The following TOP3B variants were observed in gnomAD, a reference collection of about 807,000 sequenced individuals.
TOP3B encodes the protein DNA topoisomerase III beta.
TOP3B carries 45 observed loss-of-function variants against 93.9 expected under a neutral mutation model. The ratio of observed to expected loss-of-function variants is 0.48; its 90% CI spans 0.38 to 0.61. The LOEUF (loss-of-function observed/expected upper bound fraction) is 0.61. Among genes scored for constraint, TOP3B ranks in the 20% least tolerant of loss-of-function variants. The probability of loss-of-function intolerance (pLI) is 0.00; values close to 1 mark genes in which losing one functional copy is unlikely to be tolerated. For missense variants in TOP3B, 750 were observed against 1,156.1 expected (o/e 0.65, Z 5.09); for synonymous variants, 357 against 472.6 (o/e 0.76, Z 3.17).
chr22:21,972,646 G>C lies in TOP3B; in HGVS notation c.275C>G (p.Ala92Gly). 1 of 1,611,822 alleles carries C rather than the reference G, an allele frequency of 6.2e-7. No individual in the cohort carries two copies. Among genetic ancestry groups the C allele is most frequent in the Admixed American group, 1.7e-5 (1 of 59,170 alleles). ...FSQAPTEKKE[A>G]NPKLNMVKFL... is the part of the protein sequence containing the mutation. ...CTTCACCATGTTCAGCTTGGGGTTA[G>C]CTTCTTTCTTCTCCGTGGGAGCTTG... Residue 92 changes from alanine to glycine, a missense_variant, in exon 4 of 18, where the codon GCT (alanine) becomes GGT (glycine). Transcript: ENST00000357179.
chr22:21,963,186 A>C lies in TOP3B; in HGVS notation c.1205-293T>G. The C allele has an allele frequency of 4.1e-5, 12 of 293,002 alleles. No individual in the cohort carries two copies. Among genetic ancestry groups the C allele is most frequent in the Middle Eastern group, 1.2e-3 (1 of 840 alleles). The allele number at this position is 293,002 out of a possible 1,614,324, so 18.2% of individuals were successfully genotyped here. On this transcript the variant is annotated intron_variant, in intron 11 of 17. Transcript: ENST00000357179. The surrounding 1 kb of genome is among the most constrained non-coding windows in gnomAD (Gnocchi z 4.8). ...CCGTCTCTACTAAAAATACAAAGAA[A>C]TTAGCTGGGTGTGGTGGTGGGAGCC...
At chr22:21,958,718 G>A (rs755893621) in intron 16 of TOP3B, 25 bp from the exon 17 acceptor site, 18 of 1,576,930 alleles carry the variant, frequency 1.1e-5, no homozygotes, top group Non-Finnish European at 1.6e-5. Context: ...GGCAGGTGGC[G>A]TGAGGGTCAC....
At chr22:21,958,984 C>T in intron 16 of TOP3B, 148 bp downstream of exon 16, 2 of 1,235,570 alleles carry the variant, frequency 1.6e-6, no homozygotes, top group East Asian at 2.5e-5. Context: ...GACGTGGGGA[C>T]ACTGGGTATT....
chr22:21,967,884 C>T, intron 7 of TOP3B, 168 bp from the exon 8 acceptor site: 1 of 595,300 alleles, frequency 1.7e-6, no homozygotes, highest in South Asian at 2.0e-5. Flanking sequence ...CGCAAGCTGA[C>T]ATCTGGCCCT....
intron 17 of TOP3B, 29 bp downstream of exon 17, chr22:21,958,463 T>G: frequency 6.2e-7 from 1 of 1,613,620 alleles, no homozygotes; most frequent in South Asian, 1.1e-5. Flanking sequence ...TGCAGCTACC[T>G]GTGGACAGGA....
At chr22:21,979,366 G>A (rs908047413) in intron 1 of TOP3B, among the ~76,000 whole-genome samples, 20 of 152,036 alleles carry the variant, frequency 1.3e-4, no homozygotes, top group Non-Finnish European at 4.4e-5. Context: ...GGCCTGGGTG[G>A]TGGCATGCTG....
rs11275134 is a variant in TOP3B, at chr22:21,979,847, A to AGGAGAATGGTGTGAACCCGGGAAGC, written c.-99+2858_-99+2882dup. Among the ~76,000 whole-genome samples the AGGAGAATGGTGTGAACCCGGGAAGC allele has an allele frequency of 9.1e-3, 1,354 of 149,164 alleles. 12 individuals carry two copies. The highest frequency in any genetic ancestry group is 0.016 in the Non-Finnish European group (1,049 of 67,402). ...TCCCAGCTACTCGGGAGGCTGAGGC[A>AGGAGAATGGTGTGAACCCGGGAAGC]GGAGAATGGTGTGAACCCGGGAAGC... On this transcript the variant is annotated intron_variant, in intron 1 of 17. Transcript: ENST00000357179.
chr22:21,975,964 A>G (rs1387062929), intron 1 of TOP3B, 157 bp from the exon 2 acceptor site: 1 of 345,208 alleles, frequency 2.9e-6, no homozygotes, highest in Non-Finnish European at 4.9e-6. Context: ...CTGAGATTAA[A>G]AACAAGAAAA....
intron 6 of TOP3B, chr22:21,969,930 A>ATT (rs56123700): frequency 5.5e-4 from 97 of 177,140 alleles, no homozygotes; most frequent in Middle Eastern, 2.3e-3. Flanking sequence ...CAAAAAAATA[A>ATT]TTTTTTTTTT....
chr22:21,968,001 C>T (rs1220241245), intron 7 of TOP3B: 1 of 403,140 alleles, frequency 2.5e-6, no homozygotes, highest in East Asian at 5.3e-5. Flanking sequence ...TCACACCACC[C>T]CTGCCTATCC....
chr22:21,960,542 T>C, intron 13 of TOP3B, 93 bp from the exon 14 acceptor site: 1 of 1,539,922 alleles, frequency 6.5e-7, no homozygotes, highest in Non-Finnish European at 8.8e-7. Context: ...CCCCTGGTGC[T>C]CAGGCCCTCT....
Position 21,965,279 on chromosome 22 carries a change from A to ACATACCCAGAGAAGAGCTGGC in TOP3B, c.928_943+5dup. 1 of 1,585,562 alleles carries ACATACCCAGAGAAGAGCTGGC rather than the reference A, an allele frequency of 6.3e-7. No homozygotes were observed. The highest frequency in any genetic ancestry group is 8.6e-7 in the Non-Finnish European group (1 of 1,164,690). On this transcript the variant is annotated splice_donor_region_variant and intron_variant, in intron 9 of 17. Coordinates refer to ENST00000357179, the MANE Select transcript of TOP3B (RefSeq NM_001282112.2). ...CTGGTGACTTGAGAGAAATGTCCCT[A>ACATACCCAGAGAAGAGCTGGC]CATACCCAGAGAAGAGCTGGCCACA... is the stretch of plus-strand genomic sequence containing the variant.
chr22:21,981,203 CACCAGGGACCAGGCAG>C (rs2084623987), intron 1 of TOP3B, among the ~76,000 whole-genome samples: 1 of 152,196 alleles, frequency 6.6e-6, no homozygotes, highest in Non-Finnish European at 1.5e-5. Flanking sequence ...AATGAGGACA[CACCAGGGACCAGGCAG>C]TCCTGCCAGC....
chr22:21,976,499 G>A (rs1601863621), intron 1 of TOP3B: 1 of 152,258 alleles, frequency 6.6e-6, no homozygotes, highest in East Asian at 1.9e-4. Flanking sequence ...CCCTGCCTGA[G>A]AGAAAGCTCC....
At position 21,971,951 on chromosome 22, in the gene TOP3B, C is replaced by G. The variant is rs1264946782; in HGVS notation, c.310G>C (p.Val104Leu). The G allele has an allele frequency of 6.2e-7, 1 of 1,612,630 alleles. No individual in the cohort carries two copies. Among genetic ancestry groups the G allele is most frequent in the Non-Finnish European group, 8.5e-7 (1 of 1,179,654 alleles). ...PKLNMVKFLQ[V>L]EGRGCDYIVL... Reference sequence around the variant, plus strand: ...ATGTAGTCGCAGCCTCTGCCCTCCACCTGCCACACAGCACAGGTTCACACG... The same window carrying G: ...ATGTAGTCGCAGCCTCTGCCCTCCAGCTGCCACACAGCACAGGTTCACACG... Residue 104 changes from valine (V) to leucine (L), a missense_variant and splice_region_variant, in exon 5 of 18, where the codon GTG becomes CTG. Physicochemically the swap from Val to Leu is conservative, Grantham distance 32 (BLOSUM62 1). Around this residue, in one of 4 missense-constraint regions of TOP3B, gnomAD observed 737 missense variants for 933.7 expected, o/e 0.79. Coordinates refer to ENST00000357179, the MANE Select transcript of TOP3B (RefSeq NM_001282112.2). The surrounding 1 kb of genome is among the most constrained non-coding windows in gnomAD (Gnocchi z 4.6).
chr22:21,967,036 T>C (rs954974239), intron 8 of TOP3B: 2 of 154,664 alleles, frequency 1.3e-5, no homozygotes, highest in Non-Finnish European at 1.4e-5. Context: ...GCCTGTAGCA[T>C]GTTTACTTCA....
chr22:21,968,352 A>AT, intron 7 of TOP3B: 2 of 463,168 alleles, frequency 4.3e-6, no homozygotes, highest in Non-Finnish European at 7.7e-6. Context: ...GAAGCCACTG[A>AT]TTCCTGTGGG....
chr22:21,967,397 G>A (rs902773480), intron 8 of TOP3B: 18 of 575,532 alleles, frequency 3.1e-5, no homozygotes, highest in Non-Finnish European at 5.6e-5. Flanking sequence ...GAGCGGGCAT[G>A]CAGTACACTG....
chr22:21,963,884 C>T lies in TOP3B; in HGVS notation c.1204+39G>A. On this transcript the variant is annotated intron_variant, in intron 11 of 17. Transcript: ENST00000357179. The surrounding 1 kb of genome is among the most constrained non-coding windows in gnomAD (Gnocchi z 4.8). ...CTTCACTGTCGCAGCTCGCCCTTCCCTCCCTGGAAGCACACCGGGTATGGG... is the reference window on the plus strand; with the variant it reads ...CTTCACTGTCGCAGCTCGCCCTTCCTTCCCTGGAAGCACACCGGGTATGGG... 1 of 1,605,418 alleles carries T rather than the reference C, an allele frequency of 6.2e-7. No homozygotes were observed. The highest frequency in any genetic ancestry group is 8.5e-7 in the Non-Finnish European group (1 of 1,173,880).
Sources: allele counts gnomAD v4.1 joint callset (sites outside exome capture counted in the v4.1 genomes callset), GRCh38; gene constraint gnomAD v4.1.1; regional missense constraint gnomAD v4.1.1; non-coding constraint Gnocchi (gnomAD v3.1); transcripts MANE v1.5; gene names NCBI Gene and HGNC (gene_info 2026-07-23, HGNC 2026-07-21).